BAZ1B: variants seen among roughly 807,000 people sequenced by gnomAD.
BAZ1B encodes the protein tyrosine-protein kinase BAZ1B.
BAZ1B carries 22 observed loss-of-function variants against 153.8 expected under a neutral mutation model. The ratio of observed to expected loss-of-function variants is 0.14; its 90% CI spans 0.10 to 0.20. BAZ1B has a LOEUF of 0.20. Ranked by LOEUF, BAZ1B falls within the 10% of genes least tolerant of loss-of-function variation. The pLI, the probability that BAZ1B is intolerant of heterozygous loss-of-function variation, is 1.00. For missense variants in BAZ1B, 1,325 were observed against 1,799.3 expected (o/e 0.74, Z 4.77); for synonymous variants, 676 against 633.4 (o/e 1.07, Z -1.01).
chr7:73,507,255 A>T (rs1355705154), intron 3 of BAZ1B: 7 of 152,154 alleles, frequency 4.6e-5, no homozygotes, highest in African/African-American at 1.7e-4. Flanking sequence ...AATATGGAGA[A>T]GATTAGCATG....
intron 1 of BAZ1B, among the ~76,000 whole-genome samples, chr7:73,515,595 T>C (rs1554579180): frequency 7.1e-6 from 1 of 140,730 alleles, no homozygotes; most frequent in African/African-American, 2.6e-5. Context: ...TGGAGTGCAA[T>C]AGCACCATCT....
chr7:73,501,010 G>A (rs550518965), intron 3 of BAZ1B, among the ~76,000 whole-genome samples: 3 of 151,708 alleles, frequency 2.0e-5, no homozygotes, highest in South Asian at 2.1e-4. Context: ...TAATCCCAGC[G>A]CTTTGGGAGG....
intron 5 of BAZ1B, among the ~76,000 whole-genome samples, chr7:73,492,428 C>G (rs546265764): frequency 6.6e-6 from 1 of 152,300 alleles, no homozygotes; most frequent in African/African-American, 2.4e-5. Context: ...TCCCAAAGTA[C>G]TGGGATTACA....
chr7:73,462,047 G>A (rs181808058), intron 12 of BAZ1B, among the ~76,000 whole-genome samples: 3 of 152,284 alleles, frequency 2.0e-5, no homozygotes, highest in African/African-American at 2.4e-5. Flanking sequence ...GATTATAGGC[G>A]TGAGCCAACA....
At chr7:73,447,546 A>G (rs569617579) in intron 15 of BAZ1B, among the ~76,000 whole-genome samples, 167 bp from the exon 16 acceptor site, 1 of 152,312 alleles carries the variant, frequency 6.6e-6, no homozygotes, top group Non-Finnish European at 1.5e-5. Context: ...AGTTTTTCAT[A>G]AAAATGAAAA....
rs575785448 is a variant in BAZ1B at position 73,453,441 on chromosome 7, G to C, written c.3433-2447C>G. ...CAGAAGTTAATGAGAACCCTACAGT[G>C]ATGGGTGAGTTCTCAATGAGAAGGA... is the stretch of plus-strand genomic sequence containing the variant. On this transcript the variant is annotated intron_variant, in intron 13 of 19. Coordinates refer to ENST00000339594, the MANE Select transcript of BAZ1B (RefSeq NM_032408.4). Among the ~76,000 whole-genome samples the C allele has an allele frequency of 1.5e-3, 231 of 152,338 alleles. 2 individuals are homozygous for C. The highest frequency in any genetic ancestry group is 3.0e-3 in the Non-Finnish European group (201 of 68,036).
Position 73,510,796 on chromosome 7 carries a change from G to C in BAZ1B, c.164C>G (p.Thr55Ser). 6.2e-7 allele frequency: 1 copy of C among 1,614,100 alleles called. No individual in the cohort carries two copies. The highest frequency in any genetic ancestry group is 8.5e-7 in the Non-Finnish European group (1 of 1,180,008). Reference sequence around the variant, plus strand: ...CTTGTGTGTTAGCTGACTGCTTCCAGTACTCTTGCACGTCCAAATGCGCTC... The same window carrying C: ...CTTGTGTGTTAGCTGACTGCTTCCACTACTCTTGCACGTCCAAATGCGCTC... ...YSERIWTCKS[T>S]GSSQLTHKEA... Residue 55 changes from threonine (T) to serine (S), a missense_variant, in exon 2 of 20, where the codon ACT becomes AGT. Physicochemically the swap from Thr to Ser is moderately conservative, Grantham distance 58. Around this residue, in one of 9 missense-constraint regions of BAZ1B, gnomAD observed 14 missense variants for 42.3 expected, o/e 0.33. Coordinates refer to ENST00000339594, the MANE Select transcript of BAZ1B (RefSeq NM_032408.4).
intron 15 of BAZ1B, among the ~76,000 whole-genome samples, chr7:73,449,182 T>G (rs542060877): frequency 6.6e-6 from 1 of 152,198 alleles, no homozygotes; most frequent in African/African-American, 2.4e-5. Flanking sequence ...TATGTATCGG[T>G]AAGGAAGGTA....
chr7:73,461,665 T>C (rs1382604877), intron 12 of BAZ1B, among the ~76,000 whole-genome samples: 1 of 152,188 alleles, frequency 6.6e-6, no homozygotes, highest in African/African-American at 2.4e-5. Flanking sequence ...ATATGTAAGA[T>C]ACACATATTA....
chr7:73,442,100 T>C (rs1178979), intron 19 of BAZ1B, 81 bp downstream of exon 19: 151,100 of 960,804 alleles, frequency 0.16, 15,130 homozygotes, highest in African/African-American at 0.29. Flanking sequence ...GGACTCCCTG[T>C]GATCTCTTCC....
chr7:73,508,500 AAC>A, intron 2 of BAZ1B, 29 bp from the exon 3 acceptor site: 1 of 1,577,248 alleles, frequency 6.3e-7, no homozygotes, highest in Non-Finnish European at 8.6e-7. Context: ...TTATCAAGAA[AAC>A]ACAGAAACAC....
chr7:73,465,446 C>T lies in BAZ1B; in HGVS notation c.3064G>A (p.Glu1022Lys). 7.5e-6 allele frequency: 12 copies of T among 1,594,372 alleles called. No homozygotes were observed. Among genetic ancestry groups the T allele is most frequent in the Non-Finnish European group, 9.4e-6 (11 of 1,166,948 alleles). Residue 1022 changes from glutamate (E) to lysine (K), a missense_variant, in exon 11 of 20, where the codon GAG becomes AAG. Coordinates refer to ENST00000339594, the MANE Select transcript of BAZ1B (RefSeq NM_032408.4). ...AAGATGAAAACCTCTTACCTCTTCT[C>T]TAGTCTCTCTTTAAGTTGACTTTCT... ...IRESQLKERL[E>K]KRYQDIIHSI...
chr7:73,489,317 A>G lies in BAZ1B; in HGVS notation c.768T>C (p.Phe256=), dbSNP rs781809234. Residue 256 remains phenylalanine, a synonymous_variant, in exon 6 of 20, where the codon TTT becomes TTC. Coordinates refer to ENST00000339594, the MANE Select transcript of BAZ1B (RefSeq NM_032408.4). The part of the protein sequence containing the change: ...RPPNKEIVRY[F]IRHNALRAGT... ...CAGCTCGTAATGCATTATGCCGTAT[A>G]AAGTATCGAACTATCTCCTTATTTG... 1.9e-6 allele frequency: 3 copies of G among 1,614,194 alleles called. No homozygotes were observed. The highest frequency in any genetic ancestry group is 4.5e-5 in the East Asian group (2 of 44,880).
At chr7:73,509,648 G>C (rs944051552) in intron 2 of BAZ1B, among the ~76,000 whole-genome samples, 30 of 151,924 alleles carry the variant, frequency 2.0e-4, no homozygotes, top group African/African-American at 7.2e-4. Context: ...TTGATCCCAG[G>C]AGCTATGTGC....
rs782488278 is a variant in BAZ1B, at chr7:73,477,276, G to T, written c.2185C>A (p.Leu729Ile). 3 of 1,614,160 alleles carry T rather than the reference G, an allele frequency of 1.9e-6. No individual in the cohort carries two copies. In the South Asian group the frequency reaches 3.3e-5, roughly 18 times the overall value. The part of the protein sequence containing the change: ...FEDNEVQDEF[L>I]EKLETSEFFE... ...AATTCAGAGGTCTCCAGCTTTTCTAGGAACTCATCTTGTACCTCATTATCC... is the reference window on the plus strand; with the variant it reads ...AATTCAGAGGTCTCCAGCTTTTCTATGAACTCATCTTGTACCTCATTATCC... The change falls in exon 7 of 20, where the codon CTA becomes ATA. Residue 729 changes from leucine (L) to isoleucine (I), a missense_variant. Leu to Ile is a conservative substitution (Grantham distance 5). Transcript: ENST00000339594. The surrounding 1 kb of genome is among the most constrained non-coding windows in gnomAD (Gnocchi z 5.6).
chr7:73,495,026 G>A lies in BAZ1B; in HGVS notation c.572-2105C>T, dbSNP rs543681368. Among the ~76,000 whole-genome samples, 4 of 152,342 alleles carry A rather than the reference G, an allele frequency of 2.6e-5. No homozygotes were observed. The South Asian group carries it at 6.2e-4, about 24-fold the overall frequency. ...GGGCCAGGCGTGGTGACTCACGCCT[G>A]TAATTCCAGCACTTTGGGAGGCCAA... On this transcript the variant is annotated intron_variant, in intron 4 of 19. Transcript: ENST00000339594.
Position 73,478,434 on chromosome 7 carries a change from T to C in BAZ1B, c.1027A>G (p.Lys343Glu), listed in dbSNP as rs782512309. Reference sequence around the variant, plus strand: ...AGTGGCGAGCCACTCAATGACTTCTTCAAGTGTACGTGACACCATAACTTA... The same window carrying C: ...AGTGGCGAGCCACTCAATGACTTCTCCAAGTGTACGTGACACCATAACTTA... ...NPKLWCHVHL[K>E]KSLSGSPLKV... The change falls in exon 7 of 20, where the codon AAG (lysine) becomes GAG (glutamate). Residue 343 changes from lysine (K) to glutamate (E), a missense_variant. Physicochemically the swap from Lys to Glu is moderately conservative, Grantham distance 56. Around this residue, in one of 9 missense-constraint regions of BAZ1B, gnomAD observed 219 missense variants for 248.2 expected, o/e 0.88. Coordinates refer to ENST00000339594, the MANE Select transcript of BAZ1B (RefSeq NM_032408.4). 6.2e-7 allele frequency: 1 copy of C among 1,613,198 alleles called. No homozygotes were observed. The highest frequency in any genetic ancestry group is 1.1e-5 in the South Asian group (1 of 90,884).
rs781955329 is a variant in BAZ1B at position 73,521,821 on chromosome 7, G to T, written c.107+6C>A. On this transcript the variant is annotated splice_donor_region_variant and intron_variant, in intron 1 of 19. Transcript: ENST00000339594. ...CAGCCCGGCCCGCGCGGCTGGAAAA[G>T]GATACTCCCGGGTGCGGAAGGCCTC... The T allele has an allele frequency of 1.3e-6, 2 of 1,493,484 alleles. No homozygotes were observed. Among genetic ancestry groups the T allele is most frequent in the African/African-American group, 2.9e-5 (2 of 68,168 alleles). 92.5% of individuals were successfully genotyped at this position (1,493,484 alleles called of 1,614,324 possible).
chr7:73,497,065 C>CAAAAAAAAAAAAAAAAAA lies in BAZ1B; in HGVS notation c.571+1414_571+1431dup, dbSNP rs1156829240. The stretch of plus-strand genomic sequence containing the variant: ...ACAACATCGTGAGAACTGACCTCTA[C>CAAAAAAAAAAAAAAAAAA]AAAAAAAAAAAAAAAAAACCTACAA... On this transcript the variant is annotated intron_variant, in intron 4 of 19. Coordinates refer to ENST00000339594, the MANE Select transcript of BAZ1B (RefSeq NM_032408.4). Among the ~76,000 whole-genome samples the CAAAAAAAAAAAAAAAAAA allele has an allele frequency of 9.7e-3, 480 of 49,378 alleles. 8 individuals carry two copies. The highest frequency in any genetic ancestry group is 0.021 in the African/African-American group (235 of 11,244). 32.4% of individuals were successfully genotyped at this position (49,378 alleles called of 152,430 possible).
Sources: allele counts gnomAD v4.1 joint callset (sites outside exome capture counted in the v4.1 genomes callset), GRCh38; gene constraint gnomAD v4.1.1; regional missense constraint gnomAD v4.1.1; non-coding constraint Gnocchi (gnomAD v3.1); transcripts MANE v1.5; gene names NCBI Gene and HGNC (gene_info 2026-07-23, HGNC 2026-07-21).